DOCK4: variants seen among roughly 807,000 people sequenced by gnomAD.
DOCK4 encodes the protein dedicator of cytokinesis 4.
Under a neutral mutation model 268.1 loss-of-function variants are expected in DOCK4, and 97 were observed. The ratio of observed to expected loss-of-function variants is 0.36; its 90% CI spans 0.31 to 0.43. The LOEUF is 0.43. Among genes scored for constraint, DOCK4 ranks in the 20% least tolerant of loss-of-function variants. The pLI, the probability that DOCK4 is intolerant of heterozygous loss-of-function variation, is 1.00. For missense variants in DOCK4, 2,145 were observed against 2,455.7 expected, an observed-to-expected ratio of 0.87 and a Z score of 2.67; for synonymous variants, 954 against 887.2, an observed-to-expected ratio of 1.08 and a Z score of -1.34.
At chr7:112,072,213 T>C (rs1388390638) in intron 1 of DOCK4, among the ~76,000 whole-genome samples, 1 of 137,208 alleles carries the variant, frequency 7.3e-6, no homozygotes, top group African/African-American at 3.0e-5. Flanking sequence ...TATTACCTCT[T>C]TAAAAATTCT....
intron 49 of DOCK4, among the ~76,000 whole-genome samples, chr7:111,738,093 C>T (rs1224982863): frequency 1.3e-5 from 2 of 152,124 alleles, no homozygotes; most frequent in Admixed American, 6.5e-5. Context: ...TTCTCTGCTC[C>T]TAAACTATTC....
chr7:111,996,932 T>C (rs895999046), intron 4 of DOCK4, among the ~76,000 whole-genome samples: 6 of 152,208 alleles, frequency 3.9e-5, no homozygotes, highest in Non-Finnish European at 7.4e-5. Flanking sequence ...TTCTCTTCCT[T>C]GGTCAGAGCA....
intron 1 of DOCK4, among the ~76,000 whole-genome samples, chr7:112,142,493 C>T (rs776980762): frequency 6.6e-6 from 1 of 152,172 alleles, no homozygotes; most frequent in Non-Finnish European, 1.5e-5. Flanking sequence ...AACACTGTCT[C>T]AGGAAAGCTC....
chr7:111,963,191 C>G (rs1797071991), intron 8 of DOCK4, among the ~76,000 whole-genome samples: 1 of 152,062 alleles, frequency 6.6e-6, no homozygotes, highest in African/African-American at 2.4e-5. Context: ...AATTTACTGT[C>G]TAGGAGGAGG....
intron 1 of DOCK4, among the ~76,000 whole-genome samples, chr7:112,160,267 A>T (rs1030483443): frequency 2.4e-4 from 37 of 152,296 alleles, no homozygotes; most frequent in African/African-American, 8.2e-4. Flanking sequence ...TGTGAATATC[A>T]AATGAGATGA....
chr7:112,049,017 A>T (rs549282590), intron 1 of DOCK4, among the ~76,000 whole-genome samples: 2 of 152,324 alleles, frequency 1.3e-5, no homozygotes, highest in African/African-American at 4.8e-5. Context: ...ATTCACTACC[A>T]GCAGAACAGC....
intron 8 of DOCK4, among the ~76,000 whole-genome samples, chr7:111,975,673 C>T (rs1798104794): frequency 6.6e-6 from 1 of 152,198 alleles, no homozygotes; most frequent in African/African-American, 2.4e-5. Flanking sequence ...ACAAAAACAC[C>T]ACCTTCTAAA....
At chr7:112,086,429 G>T (rs1809099067) in intron 1 of DOCK4, among the ~76,000 whole-genome samples, 1 of 152,006 alleles carries the variant, frequency 6.6e-6, no homozygotes, top group Non-Finnish European at 1.5e-5. Context: ...CTTAACAGGA[G>T]AGTCAATGAA....
intron 1 of DOCK4, among the ~76,000 whole-genome samples, chr7:112,128,417 T>C (rs1813457127): frequency 6.6e-6 from 1 of 151,986 alleles, no homozygotes; most frequent in Non-Finnish European, 1.5e-5. Flanking sequence ...CTGGGAGGTG[T>C]GCCCAACAGC....
At chr7:111,897,358 T>C (rs191275482) in intron 15 of DOCK4, among the ~76,000 whole-genome samples, 6 of 152,218 alleles carry the variant, frequency 3.9e-5, no homozygotes, top group African/African-American at 1.4e-4. Context: ...ACCTACTAGA[T>C]AGTCTTTCTT....
At chr7:112,123,500 C>G (rs1812936037) in intron 1 of DOCK4, among the ~76,000 whole-genome samples, 1 of 152,094 alleles carries the variant, frequency 6.6e-6, no homozygotes. Flanking sequence ...AAATAAAAGT[C>G]TAGTTAAGTG....
At chr7:112,132,354 T>G (rs1813885344) in intron 1 of DOCK4, among the ~76,000 whole-genome samples, 1 of 152,190 alleles carries the variant, frequency 6.6e-6, no homozygotes, top group African/African-American at 2.4e-5. Flanking sequence ...CAAAAGGATG[T>G]CTAGGTATCA....
At chr7:111,961,043 C>T (rs144217201) in intron 8 of DOCK4, among the ~76,000 whole-genome samples, 92 of 152,182 alleles carry the variant, frequency 6.0e-4, no homozygotes, top group African/African-American at 2.0e-3. Flanking sequence ...GATGCATGCA[C>T]GGGGGTTGGA....
Position 111,898,472 on chromosome 7 carries a change from G to A in DOCK4, c.1480+1902C>T, listed in dbSNP as rs574243075. 3.3e-5 allele frequency among the ~76,000 whole-genome samples: 5 copies of A among 152,290 alleles called. No homozygotes were observed. In the East Asian group the frequency reaches 7.7e-4, roughly 24 times the overall value. ...TGCACTTCATCACTTGCTATCTGAT[G>A]TACTATGTACTTAGTTTCTCAGCTA... On this transcript the variant is annotated intron_variant, in intron 15 of 52. Transcript: ENST00000428084.
At position 111,846,072 on chromosome 7, in the gene DOCK4, T is replaced by G. The variant is rs571192082; in HGVS notation, c.2601+927A>C. The stretch of plus-strand genomic sequence containing the variant: ...CTTCCAGAGGCAGAATTTCTAGCTT[T>G]TTTCTCTCAACTGCCAACTCTGTTC... On this transcript the variant is annotated intron_variant, in intron 24 of 52. Transcript: ENST00000428084. 2.0e-5 allele frequency among the ~76,000 whole-genome samples: 3 copies of G among 152,220 alleles called. No individual in the cohort carries two copies. In the South Asian group the frequency reaches 6.2e-4, roughly 32 times the overall value.
At chr7:111,828,988 G>A (rs749387743) in intron 26 of DOCK4, among the ~76,000 whole-genome samples, 4 of 151,516 alleles carry the variant, frequency 2.6e-5, no homozygotes, top group South Asian at 2.1e-4. Flanking sequence ...ATTAGGATAC[G>A]TTGGGGGTTA....
At chr7:111,838,783 T>C (rs1803441702) in intron 25 of DOCK4, among the ~76,000 whole-genome samples, 1 of 152,188 alleles carries the variant, frequency 6.6e-6, no homozygotes. Context: ...GTATTTGCTA[T>C]CCTGATTGTG....
At chr7:112,058,737 G>C (rs1002010310) in intron 1 of DOCK4, among the ~76,000 whole-genome samples, 2 of 152,194 alleles carry the variant, frequency 1.3e-5, no homozygotes, top group African/African-American at 4.8e-5. Context: ...GAAAGGGAGA[G>C]AGAAAGAAAA....
intron 5 of DOCK4, 49 bp from the exon 6 acceptor site, chr7:111,989,212 G>A (rs1037229421): frequency 1.3e-6 from 2 of 1,599,920 alleles, no homozygotes; most frequent in Non-Finnish European, 8.5e-7. Context: ...CCTATACTGA[G>A]TTGTGGGGTA....
Sources: allele counts gnomAD v4.1 joint callset (sites outside exome capture counted in the v4.1 genomes callset), GRCh38; gene constraint gnomAD v4.1.1; transcripts MANE v1.5; gene names NCBI Gene and HGNC (gene_info 2026-07-23, HGNC 2026-07-21).